PDE10A: variants seen among roughly 807,000 people sequenced by gnomAD.
PDE10A encodes the protein phosphodiesterase 10A.
Under a neutral mutation model 97.7 loss-of-function variants are expected in PDE10A, and 39 were observed. The ratio of observed to expected loss-of-function variants is 0.40; its 90% CI spans 0.31 to 0.52. The LOEUF is 0.52. Among genes scored for constraint, PDE10A ranks in the 20% least tolerant of loss-of-function variants. PDE10A has a pLI of 0.56. For synonymous variants in PDE10A, 371 were observed against 376.8 expected (o/e 0.98, Z 0.18); for missense variants, 731 against 1,047.8 (o/e 0.70, Z 4.17).
chr6:165,901,884 A>G (rs558375365), intron 1 of PDE10A, among the ~76,000 whole-genome samples: 169 of 152,102 alleles, frequency 1.1e-3, no homozygotes, highest in Non-Finnish European at 1.9e-3. Flanking sequence ...CCAGCCCGTC[A>G]CATAAAATTA....
chr6:165,691,631 G>A (rs1456802791), intron 1 of PDE10A, among the ~76,000 whole-genome samples: 1 of 148,690 alleles, frequency 6.7e-6, no homozygotes, highest in Non-Finnish European at 1.5e-5. Context: ...ACACAGCATC[G>A]GTTCTGTTTC....
intron 1 of PDE10A, among the ~76,000 whole-genome samples, chr6:165,595,856 G>A (rs1020137183): frequency 6.6e-6 from 1 of 152,184 alleles, no homozygotes; most frequent in East Asian, 1.9e-4. Flanking sequence ...ATTCTCAGGG[G>A]TACAGCCCTC....
intron 1 of PDE10A, among the ~76,000 whole-genome samples, chr6:165,893,690 A>G (rs1473214830): frequency 2.0e-5 from 3 of 152,090 alleles, no homozygotes; most frequent in African/African-American, 7.2e-5. Flanking sequence ...ATACCCACAT[A>G]TTCGTATATT....
At chr6:165,433,940 C>G (rs1473334402) in intron 6 of PDE10A, among the ~76,000 whole-genome samples, 1 of 147,710 alleles carries the variant, frequency 6.8e-6, no homozygotes, top group Non-Finnish European at 1.5e-5. Context: ...TGGCGTGAAC[C>G]CGGGAGGCGG....
intron 1 of PDE10A, among the ~76,000 whole-genome samples, chr6:165,959,016 C>T (rs1784280269): frequency 6.6e-6 from 1 of 152,232 alleles, no homozygotes; most frequent in Non-Finnish European, 1.5e-5. Context: ...GCTTCAGCGT[C>T]AGGATCCCTC....
intron 1 of PDE10A, among the ~76,000 whole-genome samples, chr6:165,648,689 T>A (rs957068332): frequency 2.6e-5 from 4 of 152,036 alleles, no homozygotes; most frequent in African/African-American, 4.8e-5. Flanking sequence ...TCAAAAATCA[T>A]ACAGGAAAAA....
Position 165,330,282 on chromosome 6 carries a change from T to TA in PDE10A, c.*2742dup, listed in dbSNP as rs1203780562. On this transcript the variant is annotated 3_prime_UTR_variant, in exon 22 of 22. Coordinates refer to ENST00000539869, the MANE Select transcript of PDE10A (RefSeq NM_001385079.1). ...AGGAACTCATCAAAGCTGTTGTTAG[T>TA]AAAAACCATCTCTTGGCTTCTGGTG... 1 of 152,134 alleles carries TA rather than the reference T, an allele frequency of 6.6e-6. No individual in the cohort carries two copies. The highest frequency in any genetic ancestry group is 1.5e-5 in the Non-Finnish European group (1 of 68,004). 9.4% of individuals were successfully genotyped at this position (152,134 alleles called of 1,614,324 possible).
At chr6:165,829,841 C>T (rs1234308637) in intron 1 of PDE10A, among the ~76,000 whole-genome samples, 1 of 152,148 alleles carries the variant, frequency 6.6e-6, no homozygotes, top group Admixed American at 6.5e-5. Flanking sequence ...CTCTCCCCCA[C>T]CTCTCAGCAG....
chr6:165,735,045 T>C (rs1052789440), intron 1 of PDE10A, among the ~76,000 whole-genome samples: 6 of 149,810 alleles, frequency 4.0e-5, no homozygotes, highest in African/African-American at 1.5e-4. Context: ...AGATAGATAA[T>C]AGGGAGGTAG....
chr6:165,395,736 T>G (rs1786113858), intron 14 of PDE10A, among the ~76,000 whole-genome samples: 1 of 152,166 alleles, frequency 6.6e-6, no homozygotes, highest in Admixed American at 6.6e-5. Context: ...TAGACTTGAA[T>G]AAACAGTATG....
intron 2 of PDE10A, among the ~76,000 whole-genome samples, chr6:165,513,400 A>T (rs568411290): frequency 6.6e-6 from 1 of 152,096 alleles, no homozygotes; most frequent in East Asian, 1.9e-4. Flanking sequence ...TTGTATGCCT[A>T]TCTCTGCAGC....
intron 1 of PDE10A, among the ~76,000 whole-genome samples, chr6:165,704,374 C>T (rs925365041): frequency 2.6e-5 from 4 of 152,154 alleles, no homozygotes; most frequent in African/African-American, 4.8e-5. Flanking sequence ...CAACCCAGTA[C>T]GGTAGGATAT....
intron 13 of PDE10A, among the ~76,000 whole-genome samples, chr6:165,411,557 T>A (rs1056050566): frequency 3.3e-5 from 5 of 152,208 alleles, no homozygotes; most frequent in African/African-American, 1.2e-4. Flanking sequence ...GAGAAAAAAA[T>A]TTCCTGTTGT....
In PDE10A at chr6:165,505,593, G is replaced by A. The variant is rs1562529101; in HGVS notation, c.995-23250C>T. 2.6e-5 allele frequency among the ~76,000 whole-genome samples: 4 copies of A among 152,116 alleles called. No individual in the cohort carries two copies. In the South Asian group the frequency reaches 6.2e-4, roughly 24 times the overall value. Reference sequence around the variant, plus strand: ...CTGCATAAAAATGAGTTGAACTGATGGTGCAAAGTTAATCGGTTGGTGGTC... The same window carrying A: ...CTGCATAAAAATGAGTTGAACTGATAGTGCAAAGTTAATCGGTTGGTGGTC... On this transcript the variant is annotated intron_variant, in intron 2 of 21. Coordinates refer to ENST00000539869, the MANE Select transcript of PDE10A (RefSeq NM_001385079.1).
At chr6:165,653,274 G>A (rs1478026862) in intron 1 of PDE10A, among the ~76,000 whole-genome samples, 2 of 152,286 alleles carry the variant, frequency 1.3e-5, no homozygotes, top group East Asian at 3.9e-4. Flanking sequence ...GAAAATGAAT[G>A]AAACATGCTT....
At chr6:165,619,429 A>C (rs62647936) in intron 1 of PDE10A, among the ~76,000 whole-genome samples, 10,075 of 18,826 alleles carry the variant, frequency 0.54, 2,518 homozygotes, top group Middle Eastern at 0.7. Flanking sequence ...GTAGTGTAGT[A>C]TAGTGTAGTG....
intron 13 of PDE10A, 27 bp from the exon 14 acceptor site, chr6:165,396,486 C>T (rs1320016111): frequency 1.9e-6 from 3 of 1,571,128 alleles, no homozygotes; most frequent in Non-Finnish European, 2.6e-6. Context: ...AAAAAAAAAC[C>T]CCCAAAATTA....
intron 1 of PDE10A, among the ~76,000 whole-genome samples, chr6:165,902,958 A>G (rs989115765): frequency 2.6e-5 from 4 of 152,224 alleles, no homozygotes; most frequent in African/African-American, 9.6e-5. Context: ...TGAGCCTTTT[A>G]TATGTGGCCT....
intron 1 of PDE10A, among the ~76,000 whole-genome samples, chr6:165,600,848 G>A (rs191488785): frequency 1.1e-4 from 16 of 152,190 alleles, no homozygotes; most frequent in Admixed American, 9.8e-4. Context: ...TCAGACAGTG[G>A]TATTTTCAAA....
Sources: gnomAD v4.1 joint callset for allele counts (sites outside exome capture counted in the v4.1 genomes callset) on GRCh38, gnomAD v4.1.1 for gene constraint, MANE v1.5 for transcripts, NCBI Gene and HGNC (gene_info 2026-07-23, HGNC 2026-07-21) for gene names.